SYT1: variants seen among roughly 807,000 people sequenced by gnomAD.
SYT1 encodes synaptotagmin 1.
A neutral mutation model predicts 44.8 loss-of-function variants in SYT1; 8 were observed. That is an observed-to-expected ratio of 0.18 (90% confidence interval 0.10 to 0.32). SYT1 has a LOEUF of 0.32. Among genes scored for constraint, SYT1 ranks in the 10% least tolerant of loss-of-function variants. The pLI is 1.00. For missense variants in SYT1, 286 were observed against 509.3 expected, an observed-to-expected ratio of 0.56 and a Z score of 4.22; for synonymous variants, 154 against 188.8, an observed-to-expected ratio of 0.82 and a Z score of 1.51.
At chr12:79,177,880 T>C (rs989533808) in intron 3 of SYT1, among the ~76,000 whole-genome samples, 4 of 73,926 alleles carry the variant, frequency 5.4e-5, no homozygotes, top group African/African-American at 2.3e-4. Flanking sequence ...CTTCGCCCAC[T>C]TTTTGATGGG....
At chr12:79,414,846 G>A (rs575556141) in intron 9 of SYT1, among the ~76,000 whole-genome samples, 1 of 152,244 alleles carries the variant, frequency 6.6e-6, no homozygotes, top group East Asian at 1.9e-4. Flanking sequence ...CCTGCCAGAT[G>A]TAAAGCATAA....
chr12:79,442,863 G>A (rs2070547106), intron 9 of SYT1, among the ~76,000 whole-genome samples: 1 of 152,082 alleles, frequency 6.6e-6, no homozygotes, highest in South Asian at 2.1e-4. Flanking sequence ...CTTCGCAGTA[G>A]TTATTTTAGG....
intron 2 of SYT1, among the ~76,000 whole-genome samples, chr12:79,023,783 CTCTCTCTCTCTT>C (rs1343032830): frequency 6.6e-6 from 1 of 151,472 alleles, no homozygotes; most frequent in Non-Finnish European, 1.5e-5. Context: ...TATTCCATCT[CTCTCTCTCTCTT>C]TCTCTCTCTC....
chr12:79,417,629 C>T (rs1209934116), intron 9 of SYT1, among the ~76,000 whole-genome samples: 1 of 152,142 alleles, frequency 6.6e-6, no homozygotes, highest in Non-Finnish European at 1.5e-5. Flanking sequence ...GAATGCTCTG[C>T]AAGCCCTTTC....
intron 3 of SYT1, among the ~76,000 whole-genome samples, chr12:79,074,913 G>A (rs1876536493): frequency 6.6e-6 from 1 of 152,100 alleles, no homozygotes; most frequent in South Asian, 2.1e-4. Context: ...GTTGGATATT[G>A]CTTTTTACTT....
chr12:79,002,154 T>C (rs1395549388), intron 2 of SYT1, among the ~76,000 whole-genome samples: 1 of 152,120 alleles, frequency 6.6e-6, no homozygotes, highest in Non-Finnish European at 1.5e-5. Flanking sequence ...TTTCAAACAA[T>C]TAAATCAATT....
In SYT1 at chr12:79,179,309, T is replaced by G. The variant is rs903854858; in HGVS notation, c.-17-38194T>G. On this transcript the variant is annotated intron_variant, in intron 3 of 10. Coordinates refer to ENST00000261205, the MANE Select transcript of SYT1 (RefSeq NM_005639.3). ...ATATAGATACAGATTTAGATATATC[T>G]ATATAGATATAGATATAGATATAGA... is the stretch of plus-strand genomic sequence containing the variant. Among the ~76,000 whole-genome samples, 6 of 53,646 alleles carry G rather than the reference T, an allele frequency of 1.1e-4. 2 individuals are homozygous for G. Among genetic ancestry groups the G allele is most frequent in the African/African-American group, 5.0e-4 (5 of 10,052 alleles). The allele number at this position is 53,646 out of a possible 152,430, so 35.2% of individuals were successfully genotyped here.
chr12:79,188,617 C>A (rs1872934751), intron 3 of SYT1, among the ~76,000 whole-genome samples: 1 of 152,036 alleles, frequency 6.6e-6, no homozygotes, highest in Non-Finnish European at 1.5e-5. Context: ...TTCTTTGTTC[C>A]ATTTCACCTT....
chr12:79,330,326 G>C (rs1047843349), intron 8 of SYT1, among the ~76,000 whole-genome samples: 2 of 152,202 alleles, frequency 1.3e-5, no homozygotes, highest in African/African-American at 4.8e-5. Flanking sequence ...ACTTGCACCA[G>C]GGAAATTCTG....
chr12:79,188,070 A>C (rs1872904958), intron 3 of SYT1, among the ~76,000 whole-genome samples: 1 of 152,166 alleles, frequency 6.6e-6, no homozygotes, highest in Non-Finnish European at 1.5e-5. Flanking sequence ...CAAATAATTT[A>C]TTCGCATTAT....
Position 79,252,325 on chromosome 12 carries a change from T to C in SYT1, c.167-33462T>C, listed in dbSNP as rs144711911. On this transcript the variant is annotated intron_variant, in intron 4 of 10. Transcript: ENST00000261205. ...GACATTCAATAATTTTAAGGATTATTATCATCATCATCATCATCATCACCA... is the reference window on the plus strand; with the variant it reads ...GACATTCAATAATTTTAAGGATTATCATCATCATCATCATCATCATCACCA... 2.1e-3 allele frequency among the ~76,000 whole-genome samples: 327 copies of C among 152,178 alleles called. 1 individual carries two copies. The highest frequency in any genetic ancestry group is 3.4e-3 in the Middle Eastern group (1 of 294).
At chr12:79,242,367 A>G (rs1382238276) in intron 4 of SYT1, among the ~76,000 whole-genome samples, 1 of 152,052 alleles carries the variant, frequency 6.6e-6, no homozygotes, top group African/African-American at 2.4e-5. Context: ...TGGGCTAGTT[A>G]TGTCTACTTT....
chr12:79,229,131 G>A (rs1404384610), intron 4 of SYT1, among the ~76,000 whole-genome samples: 2 of 152,178 alleles, frequency 1.3e-5, no homozygotes, highest in African/African-American at 4.8e-5. Flanking sequence ...ATCAAATCCA[G>A]ATCTCTTCTC....
At chr12:79,436,047 G>A (rs573796211) in intron 9 of SYT1, among the ~76,000 whole-genome samples, 1 of 152,246 alleles carries the variant, frequency 6.6e-6, no homozygotes, top group South Asian at 2.1e-4. Context: ...TTCTAGCTGG[G>A]TGAACTTTTG....
chr12:79,311,105 G>T (rs1358975940), intron 8 of SYT1, among the ~76,000 whole-genome samples: 1 of 152,180 alleles, frequency 6.6e-6, no homozygotes, highest in African/African-American at 2.4e-5. Flanking sequence ...TTTTCAAAGG[G>T]AATGCTTCCA....
At chr12:79,339,270 A>G (rs897938247) in intron 8 of SYT1, among the ~76,000 whole-genome samples, 6 of 152,128 alleles carry the variant, frequency 3.9e-5, no homozygotes, top group African/African-American at 1.4e-4. Context: ...GGTTGAACTA[A>G]TTTACACTCC....
chr12:79,339,807 A>T (rs1882276335), intron 8 of SYT1, among the ~76,000 whole-genome samples: 1 of 152,178 alleles, frequency 6.6e-6, no homozygotes, highest in Non-Finnish European at 1.5e-5. Context: ...TTTTAGGTCT[A>T]ACATTTAAGT....
At chr12:79,248,013 T>C (rs1057191564) in intron 4 of SYT1, among the ~76,000 whole-genome samples, 4 of 152,146 alleles carry the variant, frequency 2.6e-5, no homozygotes, top group Non-Finnish European at 5.9e-5. Context: ...CGAAGAATAG[T>C]CCGAATAATT....
intron 1 of SYT1, among the ~76,000 whole-genome samples, chr12:78,963,447 C>T (rs1879617746): frequency 6.6e-6 from 1 of 151,954 alleles, no homozygotes; most frequent in Non-Finnish European, 1.5e-5. Flanking sequence ...AATGTAGGAA[C>T]TCCTACAAAT....
Sources: allele counts gnomAD v4.1 joint callset (sites outside exome capture counted in the v4.1 genomes callset), GRCh38; gene constraint gnomAD v4.1.1; transcripts MANE v1.5; gene names NCBI Gene and HGNC (gene_info 2026-07-23, HGNC 2026-07-21).